CDH2: variants seen among roughly 807,000 people sequenced by gnomAD.
CDH2 encodes cadherin-2.
CDH2 carries 17 observed loss-of-function variants against 92.0 expected under a neutral mutation model. That is an observed-to-expected ratio of 0.18 (90% CI 0.13 to 0.28). The LOEUF is 0.28. Among genes scored for constraint, CDH2 ranks in the 10% least tolerant of loss-of-function variants. CDH2 has a pLI of 1.00. For missense variants in CDH2, 862 were observed against 1,133.1 expected, an observed-to-expected ratio of 0.76 and a Z score of 3.44; for synonymous variants, 419 against 415.9, an observed-to-expected ratio of 1.01 and a Z score of -0.09.
chr18:28,025,948 T>C (rs1232378795), intron 2 of CDH2, among the ~76,000 whole-genome samples: 3 of 152,176 alleles, frequency 2.0e-5, no homozygotes, highest in Non-Finnish European at 2.9e-5. Flanking sequence ...TGAATTCTAA[T>C]TTGATGGGAT....
At chr18:28,168,286 C>T (rs1044579858) in intron 1 of CDH2, among the ~76,000 whole-genome samples, 1 of 152,092 alleles carries the variant, frequency 6.6e-6, no homozygotes, top group Admixed American at 6.5e-5. Context: ...CTCAGTTACA[C>T]TACAGAATAT....
downstream of CDH2, among the ~76,000 whole-genome samples, chr18:27,950,251 T>TAAG (rs1446066699): frequency 6.6e-6 from 1 of 152,096 alleles, no homozygotes; most frequent in East Asian, 1.9e-4. Flanking sequence ...GTATATTATA[T>TAAG]AAGTGTTTTC....
chr18:28,158,700 C>T (rs1177639526), intron 1 of CDH2, among the ~76,000 whole-genome samples: 1 of 152,196 alleles, frequency 6.6e-6, no homozygotes, highest in Admixed American at 6.5e-5. Context: ...AATATTACAA[C>T]ATATTTGCCC....
intron 6 of CDH2, among the ~76,000 whole-genome samples, chr18:27,935,144 C>G (rs1370990790): frequency 6.6e-6 from 1 of 152,128 alleles, no homozygotes; most frequent in African/African-American, 2.4e-5. Flanking sequence ...TAAGTATTGC[C>G]ATGTGTATTA....
chr18:28,068,691 C>A (rs985732672), intron 2 of CDH2, among the ~76,000 whole-genome samples: 1 of 152,166 alleles, frequency 6.6e-6, no homozygotes, highest in Non-Finnish European at 1.5e-5. Context: ...AACCATCACG[C>A]AGTGCTAGCA....
In CDH2 at chr18:27,985,059, C is replaced by T. The variant is rs201543789; in HGVS notation, c.2150G>A (p.Gly717Asp). 18 of 1,614,056 alleles carry T rather than the reference C, an allele frequency of 1.1e-5. No homozygotes were observed. The highest frequency in any genetic ancestry group is 1.5e-5 in the Non-Finnish European group (18 of 1,180,036). Residue 717 changes from glycine (G) to aspartate (D), a missense_variant, in exon 13 of 16, where the codon GGT becomes GAT. Physicochemically the swap from Gly to Asp is moderately conservative, Grantham distance 94. Coordinates refer to ENST00000269141, the MANE Select transcript of CDH2 (RefSeq NM_001792.5). ...GATGGCACCGGTGCCAAGCCCCGCA[C>T]CCACAATCCTGTCCACATCTGTGCA... ...GDCTDVDRIVGAGLGTGAIIA... is the reference protein window; with the variant it reads ...GDCTDVDRIVDAGLGTGAIIA...
At chr18:28,136,918 C>A (rs1477919077) in intron 2 of CDH2, among the ~76,000 whole-genome samples, 1 of 152,108 alleles carries the variant, frequency 6.6e-6, no homozygotes. Context: ...TTTTAACAAG[C>A]TTCCCCAGAA....
At position 28,013,671 on chromosome 18, in the gene CDH2, C is replaced by A; in HGVS notation, c.399+12G>T. On this transcript the variant is annotated intron_variant, in intron 3 of 15. Coordinates refer to ENST00000269141, the MANE Select transcript of CDH2 (RefSeq NM_001792.5). ...TTTTAACCAGCCCTAAAGCCATATTCGGATACTATACCTTCACTGACTCCT... is the reference window on the plus strand; with the variant it reads ...TTTTAACCAGCCCTAAAGCCATATTAGGATACTATACCTTCACTGACTCCT... 1 of 1,593,250 alleles carries A rather than the reference C, an allele frequency of 6.3e-7. No individual in the cohort carries two copies. Among genetic ancestry groups the A allele is most frequent in the Non-Finnish European group, 8.6e-7 (1 of 1,161,068 alleles).
At chr18:28,103,471 GTA>G (rs1389138598) in intron 2 of CDH2, among the ~76,000 whole-genome samples, 35 of 79,086 alleles carry the variant, frequency 4.4e-4, no homozygotes, top group Non-Finnish European at 6.5e-4. Flanking sequence ...CATAAAGTAT[GTA>G]TATATATACA....
chr18:28,147,935 G>A, intron 1 of CDH2, 151 bp from the exon 2 acceptor site: 3 of 585,842 alleles, frequency 5.1e-6, no homozygotes, highest in Non-Finnish European at 9.1e-6. Context: ...GAATGTAGAG[G>A]GCAAAGGGTT....
downstream of CDH2, among the ~76,000 whole-genome samples, chr18:27,947,761 A>G (rs1447476214): frequency 8.0e-5 from 4 of 49,958 alleles, no homozygotes; most frequent in African/African-American, 1.1e-4. Context: ...ATATGATGTA[A>G]GTATATGTGA....
At chr18:28,046,740 T>C (rs1230772243) in intron 2 of CDH2, among the ~76,000 whole-genome samples, 2 of 151,896 alleles carry the variant, frequency 1.3e-5, no homozygotes, top group Non-Finnish European at 2.9e-5. Context: ...GACATTTAGA[T>C]GTGCTACTTA....
intron 1 of CDH2, among the ~76,000 whole-genome samples, chr18:28,161,089 G>A (rs8088570): frequency 0.073 from 11,142 of 152,180 alleles, 1,324 homozygotes; most frequent in African/African-American, 0.25. Flanking sequence ...ATCCAGGAAA[G>A]GTTAAAATGA....
intron 6 of CDH2, among the ~76,000 whole-genome samples, chr18:27,944,677 T>A (rs573019141): frequency 6.7e-6 from 1 of 150,354 alleles, no homozygotes; most frequent in South Asian, 2.1e-4. Flanking sequence ...TCCCAGTGAT[T>A]TGAGAGGCTG....
At chr18:28,157,360 T>G (rs771071363) in intron 1 of CDH2, among the ~76,000 whole-genome samples, 1 of 152,200 alleles carries the variant, frequency 6.6e-6, no homozygotes, top group African/African-American at 2.4e-5. Context: ...ATTTACTGAG[T>G]GCTTAATATG....
chr18:28,125,408 T>C (rs1289234281), intron 2 of CDH2, among the ~76,000 whole-genome samples: 1 of 151,840 alleles, frequency 6.6e-6, no homozygotes, highest in African/African-American at 2.4e-5. Flanking sequence ...GGAGATGGAA[T>C]GGAGTAAAAA....
chr18:28,065,356 T>C (rs1174051521), intron 2 of CDH2, among the ~76,000 whole-genome samples: 2 of 152,190 alleles, frequency 1.3e-5, no homozygotes, highest in Admixed American at 1.3e-4. Flanking sequence ...GGTAGGGTGA[T>C]GGACGAGTAT....
rs555392596 is a variant in CDH2 at position 28,035,365 on chromosome 18, A to G, written c.173-21456T>C. On this transcript the variant is annotated intron_variant, in intron 2 of 15. Coordinates refer to ENST00000269141, the MANE Select transcript of CDH2 (RefSeq NM_001792.5). ...TTTGATAATTCTTTTCAGGGACTAC[A>G]GTTTAGAATTTAAAACAAGCAACTT... Among the ~76,000 whole-genome samples the G allele has an allele frequency of 3.3e-5, 5 of 152,142 alleles. No homozygotes were observed. The South Asian group carries it at 1.0e-3, about 32-fold the overall frequency.
chr18:28,118,273 A>C (rs1290247481), intron 2 of CDH2, among the ~76,000 whole-genome samples: 1 of 152,136 alleles, frequency 6.6e-6, no homozygotes, highest in Non-Finnish European at 1.5e-5. Flanking sequence ...TGCAACAGGA[A>C]AAAAGGAATT....
Sources: gnomAD v4.1 joint callset for allele counts (sites outside exome capture counted in the v4.1 genomes callset) on GRCh38, gnomAD v4.1.1 for gene constraint, MANE v1.5 for transcripts, NCBI Gene and HGNC (gene_info 2026-07-23, HGNC 2026-07-21) for gene names.